NPLOC4: variants seen among roughly 807,000 people sequenced by gnomAD.
NPLOC4 encodes the protein NPL4 homolog, ubiquitin recognition factor.
Under a neutral mutation model 80.6 loss-of-function variants are expected in NPLOC4, and 18 were observed. The observed-to-expected ratio is 0.22, with a 90% CI of 0.15 to 0.33. The LOEUF (loss-of-function observed/expected upper bound fraction) is 0.33. Among genes scored for constraint, NPLOC4 ranks in the 10% least tolerant of loss-of-function variants. The pLI, the probability that NPLOC4 is intolerant of heterozygous loss-of-function variation, is 1.00. For missense variants in NPLOC4, 540 were observed against 786.1 expected (o/e 0.69, Z 3.74); for synonymous variants, 313 against 301.5 (o/e 1.04, Z -0.39).
intron 11 of NPLOC4, among the ~76,000 whole-genome samples, chr17:81,593,141 G>C (rs2034796566): frequency 6.6e-6 from 1 of 152,186 alleles, no homozygotes; most frequent in Admixed American, 6.5e-5. Flanking sequence ...ACAATGATAT[G>C]AGATTAGAAG....
Position 81,626,397 on chromosome 17 carries a change from C to T in NPLOC4, c.96+3328G>A, listed in dbSNP as rs115289931. Among the ~76,000 whole-genome samples, 475 of 151,374 alleles carry T rather than the reference C, an allele frequency of 3.1e-3. 3 individuals are homozygous for T. Among genetic ancestry groups the T allele is most frequent in the African/African-American group, 0.011 (450 of 41,250 alleles). On this transcript the variant is annotated intron_variant, in intron 2 of 16. Coordinates refer to ENST00000331134, the MANE Select transcript of NPLOC4 (RefSeq NM_017921.4). ...GAAAACCCCAAAATTTAATGAAAAA[C>T]ATCAAATAGCAACTCCAGGAAGTTC...
intron 11 of NPLOC4, among the ~76,000 whole-genome samples, chr17:81,590,530 GAAGT>G: frequency 6.6e-6 from 1 of 152,222 alleles, no homozygotes; most frequent in Non-Finnish European, 1.5e-5. Flanking sequence ...TATTGTTTTA[GAAGT>G]AAGGTCTTAC....
chr17:81,572,130 A>G lies in NPLOC4; in HGVS notation c.1282-42T>C, dbSNP rs2034176834. ...GGAACAGCGGTGAGCAAAGACGATCAGTAGTAATGATTTTCCTTTCACATG... is the reference window on the plus strand; with the variant it reads ...GGAACAGCGGTGAGCAAAGACGATCGGTAGTAATGATTTTCCTTTCACATG... On this transcript the variant is annotated intron_variant, in intron 12 of 16. Transcript: ENST00000331134. The surrounding 1 kb of genome is among the most constrained non-coding windows in gnomAD (Gnocchi z 4.5). The G allele has an allele frequency of 3.9e-6, 5 of 1,292,708 alleles. No homozygotes were observed. In the East Asian group the frequency reaches 9.9e-5, roughly 26 times the overall value. The allele number at this position is 1,292,708 out of a possible 1,614,324, so 80.1% of individuals were successfully genotyped here. A position where few individuals can be genotyped will look rare whatever the true frequency, so the allele number is the denominator to read the frequency against.
At chr17:81,560,561 C>T (rs1422953194) in intron 16 of NPLOC4, 1 of 151,926 alleles carries the variant, frequency 6.6e-6, no homozygotes, top group African/African-American at 2.4e-5. Context: ...GCAAAAATTA[C>T]CTGGGGGTGG....
chr17:81,622,750 C>T (rs571307206), intron 2 of NPLOC4, among the ~76,000 whole-genome samples: 23 of 152,080 alleles, frequency 1.5e-4, no homozygotes, highest in Admixed American at 5.2e-4. Flanking sequence ...GGAGTTTCAC[C>T]ATGTTGGCCA....
At chr17:81,585,862 G>A (rs1490513056) in intron 12 of NPLOC4, among the ~76,000 whole-genome samples, 2 of 150,722 alleles carry the variant, frequency 1.3e-5, no homozygotes, top group African/African-American at 4.9e-5. Flanking sequence ...GGTAGTGTGC[G>A]CCTATAGTCC....
intron 7 of NPLOC4, 36 bp downstream of exon 7, chr17:81,606,655 A>G (rs1488157212): frequency 6.9e-6 from 11 of 1,596,958 alleles, no homozygotes; most frequent in Non-Finnish European, 9.4e-6. Flanking sequence ...TTTCTCAGCC[A>G]TGAAAACAAA....
At chr17:81,603,692 G>A (rs757373692) in intron 8 of NPLOC4, among the ~76,000 whole-genome samples, 2 of 152,090 alleles carry the variant, frequency 1.3e-5, no homozygotes, top group African/African-American at 4.8e-5. Context: ...GATTCACCAT[G>A]AACATTTCCT....
In NPLOC4 at chr17:81,631,454, TTTTTTTTTC is replaced by T. The variant is rs1297316417; in HGVS notation, c.16-1658_16-1650del. On this transcript the variant is annotated intron_variant, in intron 1 of 16. Coordinates refer to ENST00000331134, the MANE Select transcript of NPLOC4 (RefSeq NM_017921.4). ...TATATATATTTTTTTTTTTTTTTTT[TTTTTTTTTC>T]CCCCACGGCAAGCCTAAAAAGGTTG... 3.3e-4 allele frequency among the ~76,000 whole-genome samples: 27 copies of T among 82,904 alleles called. 2 individuals are homozygous for T. The highest frequency in any genetic ancestry group is 1.4e-3 in the East Asian group (3 of 2,126). The allele number at this position is 82,904 out of a possible 152,430, so 54.4% of individuals were successfully genotyped here. A position where few individuals can be genotyped will look rare whatever the true frequency, so the allele number is the denominator to read the frequency against.
In NPLOC4 at chr17:81,559,298, G is replaced by C. The variant is rs1223954785; in HGVS notation, c.1788C>G (p.Gly596=). 5 of 1,606,138 alleles carry C rather than the reference G, an allele frequency of 3.1e-6. No individual in the cohort carries two copies. Among genetic ancestry groups the C allele is most frequent in the Admixed American group, 3.4e-5 (2 of 58,736 alleles). The stretch of plus-strand genomic sequence containing the variant: ...GGCTGCACATCTCGCAGTGGCCTGT[G>C]CCTGGCTGGTTCATGAACGTGCAGT... ...CQHCTFMNQP[G]TGHCEMCSLP... Residue 596 remains glycine, a synonymous_variant, in exon 17 of 17, where the codon GGC becomes GGG. Transcript: ENST00000331134.
chr17:81,579,364 C>T (rs1431775020), intron 12 of NPLOC4, among the ~76,000 whole-genome samples: 5 of 152,148 alleles, frequency 3.3e-5, no homozygotes, highest in African/African-American at 7.2e-5. Flanking sequence ...GGTGACAGAG[C>T]GAGACTCCAT....
chr17:81,605,294 AAAT>A (rs371762798), intron 7 of NPLOC4, among the ~76,000 whole-genome samples: 4 of 47,140 alleles, frequency 8.5e-5, no homozygotes, highest in East Asian at 3.2e-4. Flanking sequence ...AAAAAAAAAT[AAAT>A]AATAATAATA....
Position 81,565,586 on chromosome 17 carries a change from C to A in NPLOC4, c.1588G>T (p.Glu530Ter). 1 of 1,552,658 alleles carries A rather than the reference C, an allele frequency of 6.4e-7. No homozygotes were observed. Residue 530 changes from glutamate (E) to a stop codon, truncating the protein, a stop_gained, in exon 16 of 17, where the codon GAG becomes TAG. Coordinates refer to ENST00000331134, the MANE Select transcript of NPLOC4 (RefSeq NM_017921.4). LOFTEE classifies it high-confidence loss of function. The part of the protein sequence containing the change: ...PLQDSISLLL[E>*]AVRTRNEELA... ...TCCTCATTTCTGGTCCGCACGGCCT[C>A]CAGCAGCAAGCTGATGCTGTCCTAC...
rs1283655864 is a variant in NPLOC4, at chr17:81,556,945, C to G, written c.*2314G>C. On this transcript the variant is annotated 3_prime_UTR_variant, in exon 17 of 17. Transcript: ENST00000331134. Reference sequence around the variant, plus strand: ...GGGCTGGGGTCAATGTAATGCAAATCCAAGCCCAGTGATGCACACCTGTGA... The same window carrying G: ...GGGCTGGGGTCAATGTAATGCAAATGCAAGCCCAGTGATGCACACCTGTGA... 6.6e-6 allele frequency: 1 copy of G among 152,348 alleles called. No homozygotes were observed. Among genetic ancestry groups the G allele is most frequent in the African/African-American group, 2.4e-5 (1 of 41,442 alleles). 9.4% of individuals were successfully genotyped at this position (152,348 alleles called of 1,614,324 possible).
intron 9 of NPLOC4, among the ~76,000 whole-genome samples, chr17:81,600,093 C>A (rs1172187119): frequency 1.3e-5 from 2 of 151,738 alleles, no homozygotes; most frequent in Non-Finnish European, 2.9e-5. Flanking sequence ...CAGATCTGCA[C>A]TGGGATTTTT....
chr17:81,569,083 A>C lies in NPLOC4; in HGVS notation c.1382T>G (p.Val461Gly). The C allele has an allele frequency of 6.2e-7, 1 of 1,612,880 alleles. No individual in the cohort carries two copies. Among genetic ancestry groups the C allele is most frequent in the Non-Finnish European group, 8.5e-7 (1 of 1,178,864 alleles). ...ATTTTGCGAAATAGAAAAAGTGTAA[A>C]CTGGATCCTTGGGGAAAGTTGTTGT... ...DITTTFPKDP[V>G]YTFSISQNPF... is the part of the protein sequence containing the mutation. The change falls in exon 14 of 17, where the codon GTT (valine) becomes GGT (glycine). Residue 461 changes from valine (V) to glycine (G), a missense_variant. Coordinates refer to ENST00000331134, the MANE Select transcript of NPLOC4 (RefSeq NM_017921.4).
Position 81,580,310 on chromosome 17 carries a change from C to A in NPLOC4, c.1282-8222G>T, listed in dbSNP as rs2034405115. Among the ~76,000 whole-genome samples, 1 of 152,188 alleles carries A rather than the reference C, an allele frequency of 6.6e-6. No individual in the cohort carries two copies. The highest frequency in any genetic ancestry group is 1.5e-5 in the Non-Finnish European group (1 of 68,024). ...GCCTGGACACCCTGGAGTCTGCCTG[C>A]CTCTTCTCTCGATCACACCACACAC... On this transcript the variant is annotated intron_variant, in intron 12 of 16. Transcript: ENST00000331134. This position sits in a 1 kb window ranked among gnomAD's most constrained non-coding sequence, Gnocchi z 4.4.
In NPLOC4 at chr17:81,567,065, T is replaced by C. The variant is rs1234472030; in HGVS notation, c.1566+352A>G. Reference sequence around the variant, plus strand: ...AAAGCAGAGGCTGTGACTCTGAAACTGTTAGAACAGGAATTTTTTAAACTG... The same window carrying C: ...AAAGCAGAGGCTGTGACTCTGAAACCGTTAGAACAGGAATTTTTTAAACTG... On this transcript the variant is annotated intron_variant, in intron 15 of 16. Transcript: ENST00000331134. The surrounding 1 kb of genome is among the most constrained non-coding windows in gnomAD (Gnocchi z 4.5). The C allele has an allele frequency of 4.3e-6, 1 of 233,252 alleles. No homozygotes were observed. Among genetic ancestry groups the C allele is most frequent in the Admixed American group, 5.2e-5 (1 of 19,346 alleles). The allele number at this position is 233,252 out of a possible 1,614,324, so 14.4% of individuals were successfully genotyped here. A position where few individuals can be genotyped will look rare whatever the true frequency, so the allele number is the denominator to read the frequency against.
At chr17:81,589,141 C>T (rs201447365) in intron 11 of NPLOC4, 37 bp from the exon 12 acceptor site, 130 of 1,586,436 alleles carry the variant, frequency 8.2e-5, no homozygotes, top group Admixed American at 4.8e-4. Flanking sequence ...GTCTACCAAA[C>T]GGCATTCAAA....
Sources: allele counts gnomAD v4.1 joint callset (sites outside exome capture counted in the v4.1 genomes callset), GRCh38; gene constraint gnomAD v4.1.1; non-coding constraint Gnocchi (gnomAD v3.1); transcripts MANE v1.5; gene names NCBI Gene and HGNC (gene_info 2026-07-23, HGNC 2026-07-21).